Variants in CD59 observed in about 807,000 individuals in gnomAD.
CD59 encodes the protein CD59 molecule (CD59 blood group).
A neutral mutation model predicts 7.0 loss-of-function variants in CD59; 3 were observed. The observed-to-expected ratio is 0.43, with a 90% CI of 0.19 to 1.10. CD59 has a LOEUF of 1.10. Among genes scored for constraint, CD59 ranks in the 50% least tolerant of loss-of-function variants. CD59 has a pLI of 0.29. For synonymous variants in CD59, 60 were observed against 62.0 expected (o/e 0.97, Z 0.15); for missense variants, 143 against 151.0 (o/e 0.95, Z 0.28).
At chr11:33,717,899 T>C (rs1158863599) in intron 2 of CD59, 2 of 239,508 alleles carry the variant, frequency 8.4e-6, no homozygotes, top group Admixed American at 1.0e-4. Flanking sequence ...TGAAAATACA[T>C]TTTCAAAATG....
chr11:33,713,192 T>G (rs1482677570), intron 3 of CD59, among the ~76,000 whole-genome samples: 1 of 152,126 alleles, frequency 6.6e-6, no homozygotes, highest in Non-Finnish European at 1.5e-5. Flanking sequence ...AGGTGAAAAA[T>G]GTATTAGTTG....
In CD59 at chr11:33,707,574, T is replaced by C. The variant is rs1057293616; in HGVS notation, c.*2552A>G. 1 of 152,262 alleles carries C rather than the reference T, an allele frequency of 6.6e-6. No individual in the cohort carries two copies. The highest frequency in any genetic ancestry group is 6.5e-5 in the Admixed American group (1 of 15,270). The allele number at this position is 152,262 out of a possible 1,614,324, so 9.4% of individuals were successfully genotyped here. On this transcript the variant is annotated 3_prime_UTR_variant, in exon 4 of 4. Coordinates refer to ENST00000642928, the MANE Select transcript of CD59 (RefSeq NM_000611.6). ...ATACTGAACACTATGACAGTTCCTG[T>C]AAATCCAGATGAGTGGAGGGCACAG... is the stretch of plus-strand genomic sequence containing the variant.
chr11:33,724,776 G>T (rs1854204340), intron 1 of CD59, among the ~76,000 whole-genome samples: 1 of 152,182 alleles, frequency 6.6e-6, no homozygotes, highest in Non-Finnish European at 1.5e-5. Context: ...CTTAGCCTCA[G>T]TTCCACATGA....
intron 1 of CD59, chr11:33,722,864 G>A: frequency 1.1e-6 from 1 of 951,242 alleles, no homozygotes; most frequent in Non-Finnish European, 1.3e-6. Context: ...GGTGACTCTG[G>A]AAGGCACCAG....
rs566779448 is a variant in CD59 at position 33,717,274 on chromosome 11, T to C, written c.169+96A>G. ...GACGCTAATAAATGGTAGCTATTAC[T>C]TGATGCAAGCCTAATGAGGATTACA... is the stretch of plus-strand genomic sequence containing the variant. On this transcript the variant is annotated intron_variant, in intron 3 of 3. Coordinates refer to ENST00000642928, the MANE Select transcript of CD59 (RefSeq NM_000611.6). 5 of 745,066 alleles carry C rather than the reference T, an allele frequency of 6.7e-6. No individual in the cohort carries two copies. In the Admixed American group the frequency reaches 8.0e-5, roughly 12 times the overall value. 46.2% of individuals were successfully genotyped at this position (745,066 alleles called of 1,614,324 possible).
At chr11:33,716,870 T>C (rs1453259060) in intron 3 of CD59, among the ~76,000 whole-genome samples, 1 of 152,232 alleles carries the variant, frequency 6.6e-6, no homozygotes, top group Non-Finnish European at 1.5e-5. Context: ...CTCAGGACTC[T>C]GAATATACCA....
In CD59 at chr11:33,707,857, G is replaced by A. The variant is rs914248777; in HGVS notation, c.*2269C>T. The A allele has an allele frequency of 1.3e-5, 2 of 152,212 alleles. No homozygotes were observed. The highest frequency in any genetic ancestry group is 4.8e-5 in the African/African-American group (2 of 41,450). 9.4% of individuals were successfully genotyped at this position (152,212 alleles called of 1,614,324 possible). On this transcript the variant is annotated 3_prime_UTR_variant, in exon 4 of 4. Transcript: ENST00000642928. ...TGGCAGCAGGCAGAGAGCCTTTACT[G>A]TCATAGTGAAGAGCTTGCCAAGGAC...
intron 1 of CD59, among the ~76,000 whole-genome samples, chr11:33,723,858 A>G (rs965941811): frequency 2.0e-5 from 3 of 152,214 alleles, no homozygotes; most frequent in African/African-American, 7.2e-5. Context: ...GTCCCCGAAC[A>G]GAGAGCTCCA....
chr11:33,714,727 TTTTC>T (rs1853711222), intron 3 of CD59, among the ~76,000 whole-genome samples: 2 of 152,274 alleles, frequency 1.3e-5, no homozygotes, highest in African/African-American at 4.8e-5. Flanking sequence ...TTTTAAAAAC[TTTTC>T]TTGTTTTTGT....
rs1564964306 is a variant in CD59, at chr11:33,704,297, G to C, written c.*5829C>G. On this transcript the variant is annotated 3_prime_UTR_variant, in exon 4 of 4. Transcript: ENST00000642928. ...AAATGAAGACAGTATCTACTTCATA[G>C]GATTGATTTGATGGACATATGTATA... The C allele has an allele frequency of 6.6e-6, 1 of 152,180 alleles. No homozygotes were observed. The highest frequency in any genetic ancestry group is 1.5e-5 in the Non-Finnish European group (1 of 68,048). 9.4% of individuals were successfully genotyped at this position (152,180 alleles called of 1,614,324 possible). A position where few individuals can be genotyped will look rare whatever the true frequency, so the allele number is the denominator to read the frequency against.
intron 1 of CD59, among the ~76,000 whole-genome samples, chr11:33,723,761 G>C (rs893255827): frequency 3.3e-5 from 5 of 152,134 alleles, no homozygotes; most frequent in African/African-American, 9.7e-5. Flanking sequence ...TGAGTAGGAA[G>C]GGTGATTTAT....
intron 1 of CD59, among the ~76,000 whole-genome samples, chr11:33,735,873 G>C (rs1854554436): frequency 6.7e-6 from 1 of 150,200 alleles, no homozygotes; most frequent in African/African-American, 2.5e-5. Context: ...CCCAGATCGC[G>C]CCACTGCACT....
At chr11:33,719,778 C>T (rs1328978864) in intron 2 of CD59, among the ~76,000 whole-genome samples, 1 of 152,228 alleles carries the variant, frequency 6.6e-6, no homozygotes, top group African/African-American at 2.4e-5. Flanking sequence ...GTGGGCAGGG[C>T]CCCATCCACC....
At chr11:33,711,121 A>G (rs995206154) in intron 3 of CD59, among the ~76,000 whole-genome samples, 3 of 152,020 alleles carry the variant, frequency 2.0e-5, no homozygotes, top group Non-Finnish European at 1.5e-5. Context: ...TTCAAAGGAC[A>G]TTATCAAAAA....
At position 33,727,750 on chromosome 11, in the gene CD59, T is replaced by G. The variant is rs548509954; in HGVS notation, c.-18-5287A>C. Among the ~76,000 whole-genome samples the G allele has an allele frequency of 2.0e-5, 3 of 152,360 alleles. No individual in the cohort carries two copies. The East Asian group carries it at 5.8e-4, about 29-fold the overall frequency. Reference sequence around the variant, plus strand: ...TCAAATTGTCTGTTTGCAGATGACATGACTGTGTATTTAGAAAATCCCATC... The same window carrying G: ...TCAAATTGTCTGTTTGCAGATGACAGGACTGTGTATTTAGAAAATCCCATC... On this transcript the variant is annotated intron_variant, in intron 1 of 3. Coordinates refer to ENST00000642928, the MANE Select transcript of CD59 (RefSeq NM_000611.6).
rs1222811154 is a variant in CD59, at chr11:33,708,313, C to T, written c.*1813G>A. 6.6e-6 allele frequency: 1 copy of T among 152,134 alleles called. No individual in the cohort carries two copies. The highest frequency in any genetic ancestry group is 1.5e-5 in the Non-Finnish European group (1 of 68,046). 9.4% of individuals were successfully genotyped at this position (152,134 alleles called of 1,614,324 possible). ...GGCACTCAGATTTTGCTTTAGAGGA[C>T]TACCTTCTTCCCAGTGTAGTCTGGC... On this transcript the variant is annotated 3_prime_UTR_variant, in exon 4 of 4. Coordinates refer to ENST00000642928, the MANE Select transcript of CD59 (RefSeq NM_000611.6).
rs890699382 is a variant in CD59 at position 33,726,063 on chromosome 11, T to C, written c.-18-3600A>G. 7.9e-5 allele frequency among the ~76,000 whole-genome samples: 12 copies of C among 152,102 alleles called. 2 individuals carry two copies. The highest frequency in any genetic ancestry group is 5.9e-4 in the Admixed American group (9 of 15,274). ...TTAGAGACCTACAAAGAGACTTAGA[T>C]TTCCACACAATAATAGTGGGAGACT... On this transcript the variant is annotated intron_variant, in intron 1 of 3. Transcript: ENST00000642928.
chr11:33,707,210 C>G lies in CD59; in HGVS notation c.*2916G>C, dbSNP rs1853344869. ...AGCATTAGTTCAGATCTGTTGGCAG[C>G]AACAGAAACTAATGCGAGCTAGTAG... On this transcript the variant is annotated 3_prime_UTR_variant, in exon 4 of 4. Transcript: ENST00000642928. 6.6e-6 allele frequency: 1 copy of G among 152,188 alleles called. No homozygotes were observed. Among genetic ancestry groups the G allele is most frequent in the South Asian group, 2.1e-4 (1 of 4,828 alleles). The allele number at this position is 152,188 out of a possible 1,614,324, so 9.4% of individuals were successfully genotyped here.
chr11:33,724,747 T>C (rs895369843), intron 1 of CD59, among the ~76,000 whole-genome samples: 2 of 152,088 alleles, frequency 1.3e-5, no homozygotes, highest in Non-Finnish European at 2.9e-5. Context: ...TTTTCTGGGA[T>C]GGTTGGGGAG....
Sources: allele counts gnomAD v4.1 joint callset (sites outside exome capture counted in the v4.1 genomes callset), GRCh38; gene constraint gnomAD v4.1.1; transcripts MANE v1.5; gene names NCBI Gene and HGNC (gene_info 2026-07-23, HGNC 2026-07-21).